Variants in SUPV3L1 observed in about 807,000 individuals in gnomAD.
SUPV3L1 encodes Suv3 like RNA helicase.
Under a neutral mutation model 70.0 loss-of-function variants are expected in SUPV3L1, and 35 were observed. That is an observed-to-expected ratio of 0.50 (90% CI 0.38 to 0.66). SUPV3L1 has a LOEUF of 0.66. Ranked by LOEUF, SUPV3L1 falls within the 30% of genes least tolerant of loss-of-function variation. The probability of loss-of-function intolerance (pLI) is 0.00; values close to 1 mark genes in which losing one functional copy is unlikely to be tolerated. For synonymous variants in SUPV3L1, 364 were observed against 341.9 expected, an observed-to-expected ratio of 1.06 and a Z score of -0.71; for missense variants, 777 against 961.5, an observed-to-expected ratio of 0.81 and a Z score of 2.54.
At chr10:69,187,559 C>A in intron 3 of SUPV3L1, 83 bp from the exon 4 acceptor site, 2 of 1,004,120 alleles carry the variant, frequency 2.0e-6, no homozygotes, top group Non-Finnish European at 3.0e-6. Flanking sequence ...CGCAACTTAG[C>A]TTGTTAAGAA....
intron 7 of SUPV3L1, among the ~76,000 whole-genome samples, chr10:69,196,544 G>C (rs1842548487): frequency 1.3e-5 from 2 of 151,606 alleles, no homozygotes; most frequent in African/African-American, 4.8e-5. Context: ...TAAACAAAGA[G>C]TATACATTGA....
intron 5 of SUPV3L1, among the ~76,000 whole-genome samples, chr10:69,191,089 A>T (rs1484350299): frequency 6.6e-6 from 1 of 152,222 alleles, no homozygotes; most frequent in Non-Finnish European, 1.5e-5. Context: ...TACAAAGTTA[A>T]AATGTGAAAC....
chr10:69,186,346 A>T, intron 2 of SUPV3L1, 97 bp from the exon 3 acceptor site: 1 of 798,558 alleles, frequency 1.3e-6, no homozygotes, highest in South Asian at 1.6e-5. Context: ...AAAAAAAAAG[A>T]AAAAAAAAGA....
intron 1 of SUPV3L1, among the ~76,000 whole-genome samples, chr10:69,184,394 G>A (rs886367885): frequency 6.6e-6 from 1 of 152,078 alleles, no homozygotes; most frequent in Non-Finnish European, 1.5e-5. Flanking sequence ...CGGGCATGGT[G>A]CATGGTGATG....
At chr10:69,199,305 GAATA>G (rs1441165498) in intron 10 of SUPV3L1, 108 bp downstream of exon 10, 1 of 789,290 alleles carries the variant, frequency 1.3e-6, no homozygotes, top group African/African-American at 1.8e-5. Context: ...TGATTTGGGA[GAATA>G]AATATTATAG....
At chr10:69,202,289 A>G (rs7901737) in intron 11 of SUPV3L1, 150 bp from the exon 12 acceptor site, 4 of 560,244 alleles carry the variant, frequency 7.1e-6, no homozygotes, top group Non-Finnish European at 9.2e-6. Context: ...GTAAAATGAT[A>G]TTTTTTCTCT....
intron 6 of SUPV3L1, 70 bp from the exon 7 acceptor site, chr10:69,195,118 T>G: frequency 5.6e-6 from 7 of 1,240,142 alleles, no homozygotes. Flanking sequence ...GCTTGAATTT[T>G]GGTGTTGGAA....
At chr10:69,188,881 G>C (rs1005752200) in intron 4 of SUPV3L1, among the ~76,000 whole-genome samples, 2 of 152,166 alleles carry the variant, frequency 1.3e-5, no homozygotes, top group Non-Finnish European at 2.9e-5. Context: ...TATTATATTT[G>C]TGTATGTTGG....
chr10:69,188,586 C>T (rs778304590), intron 4 of SUPV3L1, among the ~76,000 whole-genome samples: 2 of 152,090 alleles, frequency 1.3e-5, no homozygotes, highest in Non-Finnish European at 2.9e-5. Flanking sequence ...GCAACCTGCA[C>T]CTCACAGGTT....
At position 69,202,456 on chromosome 10, in the gene SUPV3L1, A is replaced by G. The variant is rs1842708593; in HGVS notation, c.1536A>G (p.Pro512=). ...VDPIRAAGLH[P]TAEQIEMFAY... is the part of the protein sequence containing the mutation. ...ACTAAAAGGCAGCTGGTCTTCATCC[A>G]ACTGCTGAGCAGATTGAAATGTTTG... Residue 512 remains proline, a synonymous_variant, in exon 12 of 15, where the codon CCA becomes CCG. Transcript: ENST00000359655. 2.3e-5 allele frequency: 37 copies of G among 1,611,946 alleles called. No homozygotes were observed. Among genetic ancestry groups the G allele is most frequent in the Non-Finnish European group, 3.1e-5 (37 of 1,178,760 alleles).
At chr10:69,180,839 G>C (rs1187937806) in intron 1 of SUPV3L1, among the ~76,000 whole-genome samples, 3 of 152,174 alleles carry the variant, frequency 2.0e-5, no homozygotes, top group African/African-American at 7.2e-5. Flanking sequence ...GGGAAGATTT[G>C]ACTTTTTTGA....
chr10:69,182,249 C>T (rs1277712951), intron 1 of SUPV3L1, among the ~76,000 whole-genome samples: 1 of 152,056 alleles, frequency 6.6e-6, no homozygotes, highest in Admixed American at 6.6e-5. Flanking sequence ...CCTGCCATGG[C>T]CTCCCAAAGC....
intron 3 of SUPV3L1, 120 bp downstream of exon 3, chr10:69,186,670 G>A: frequency 1.3e-6 from 1 of 777,166 alleles, no homozygotes; most frequent in Non-Finnish European, 2.1e-6. Flanking sequence ...AACATCCTCT[G>A]TAAATAATTC....
At chr10:69,190,760 C>CTATA (rs1282957249) in intron 5 of SUPV3L1, among the ~76,000 whole-genome samples, 1 of 152,178 alleles carries the variant, frequency 6.6e-6, no homozygotes, top group Non-Finnish European at 1.5e-5. Flanking sequence ...TTTTGGAAGA[C>CTATA]TATAGGTCAG....
intron 12 of SUPV3L1, 66 bp from the exon 13 acceptor site, chr10:69,202,801 A>G (rs1339636326): frequency 4.8e-6 from 7 of 1,457,826 alleles, no homozygotes; most frequent in Non-Finnish European, 6.6e-6. Flanking sequence ...AGACTTGAGT[A>G]TGTTATTCAT....
intron 6 of SUPV3L1, 69 bp downstream of exon 6, chr10:69,191,835 C>A: frequency 8.4e-7 from 1 of 1,184,408 alleles, no homozygotes; most frequent in Non-Finnish European, 1.2e-6. Context: ...AAGACAGAGT[C>A]TTGCTCTGTT....
intron 6 of SUPV3L1, 154 bp downstream of exon 6, chr10:69,191,920 C>T: frequency 6.0e-6 from 3 of 503,358 alleles, no homozygotes; most frequent in Non-Finnish European, 1.1e-5. Context: ...GATTCTCCTG[C>T]CTCAGCCTCC....
intron 6 of SUPV3L1, 116 bp downstream of exon 6, chr10:69,191,882 C>G: frequency 1.5e-6 from 1 of 654,740 alleles, no homozygotes; most frequent in Non-Finnish European, 2.5e-6. Flanking sequence ...TCTCGGCTCA[C>G]TGCGACCTCT....
chr10:69,208,557 C>T (rs375762887), intron 14 of SUPV3L1, 43 bp from the exon 15 acceptor site: 28 of 1,565,230 alleles, frequency 1.8e-5, no homozygotes, highest in Middle Eastern at 1.7e-4. Flanking sequence ...CCAGTGACTG[C>T]GATAAGAGCT....
Sources: gnomAD v4.1 joint callset for allele counts (sites outside exome capture counted in the v4.1 genomes callset) on GRCh38, gnomAD v4.1.1 for gene constraint, MANE v1.5 for transcripts, NCBI Gene and HGNC (gene_info 2026-07-23, HGNC 2026-07-21) for gene names.